Variants in SLC30A8 observed in about 807,000 individuals in gnomAD.
The protein encoded by SLC30A8 is proton-coupled zinc antiporter SLC30A8.
A neutral mutation model predicts 36.9 loss-of-function variants in SLC30A8; 27 were observed. The ratio of observed to expected loss-of-function variants is 0.73; its 90% CI spans 0.54 to 1.01. The LOEUF is 1.01. Ranked by LOEUF, SLC30A8 falls within the 50% of genes least tolerant of loss-of-function variation. The pLI, the probability that SLC30A8 is intolerant of heterozygous loss-of-function variation, is 0.00. For missense variants in SLC30A8, 439 were observed against 452.0 expected, an observed-to-expected ratio of 0.97 and a Z score of 0.26; for synonymous variants, 164 against 172.4, an observed-to-expected ratio of 0.95 and a Z score of 0.38.
chr8:117,033,113 A>G (rs1360659061), intron 1 of SLC30A8, among the ~76,000 whole-genome samples: 1 of 152,220 alleles, frequency 6.6e-6, no homozygotes, highest in Non-Finnish European at 1.5e-5. Context: ...GGTACTTGGC[A>G]TGACCATGGG....
chr8:116,964,031 T>C (rs557324205), intron 1 of SLC30A8, among the ~76,000 whole-genome samples: 1 of 152,372 alleles, frequency 6.6e-6, no homozygotes, highest in East Asian at 1.9e-4. Context: ...TATTATGTAC[T>C]CAGGCATTCA....
chr8:117,045,066 C>T (rs1014048136), intron 2 of SLC30A8, among the ~76,000 whole-genome samples: 2 of 152,218 alleles, frequency 1.3e-5, no homozygotes, highest in East Asian at 1.9e-4. Flanking sequence ...TCTGCATCCT[C>T]CTTCTTTTGG....
At chr8:117,148,562 A>G (rs1187563238) in intron 2 of SLC30A8, among the ~76,000 whole-genome samples, 1 of 152,152 alleles carries the variant, frequency 6.6e-6, no homozygotes, top group African/African-American at 2.4e-5. Flanking sequence ...ATTAAACATG[A>G]GAATTGTTCT....
At chr8:117,151,309 GT>G (rs1370939474) in intron 2 of SLC30A8, among the ~76,000 whole-genome samples, 1 of 151,860 alleles carries the variant, frequency 6.6e-6, no homozygotes, top group Admixed American at 6.6e-5. Context: ...GCTGTTATTT[GT>G]TTATCTTTGT....
chr8:116,987,485 G>T (rs556515169), intron 1 of SLC30A8, among the ~76,000 whole-genome samples: 26 of 152,050 alleles, frequency 1.7e-4, no homozygotes, highest in African/African-American at 6.3e-4. Context: ...TATTGTCTAG[G>T]CTAGGCTAGA....
intron 1 of SLC30A8, among the ~76,000 whole-genome samples, chr8:116,961,480 C>T (rs192497657): frequency 5.9e-5 from 9 of 151,734 alleles, no homozygotes; most frequent in African/African-American, 2.2e-4. Context: ...AGTATATATG[C>T]AATGTAAAAA....
chr8:116,969,962 C>G (rs1023359996), intron 1 of SLC30A8, among the ~76,000 whole-genome samples: 2 of 151,936 alleles, frequency 1.3e-5, no homozygotes, highest in Non-Finnish European at 2.9e-5. Flanking sequence ...AAAAAAATTT[C>G]TTTCTTTGAT....
chr8:117,028,218 T>C (rs370532959), intron 1 of SLC30A8, among the ~76,000 whole-genome samples: 7 of 152,206 alleles, frequency 4.6e-5, no homozygotes, highest in African/African-American at 1.4e-4. Context: ...CAATCACTTA[T>C]ACTTGCTAGG....
chr8:117,116,080 G>T (rs1820430157), intron 2 of SLC30A8, among the ~76,000 whole-genome samples: 1 of 151,978 alleles, frequency 6.6e-6, no homozygotes. Flanking sequence ...GAAGACTTTG[G>T]CAAAGACTCA....
At chr8:117,150,196 T>G (rs998132011) in intron 2 of SLC30A8, among the ~76,000 whole-genome samples, 3 of 152,232 alleles carry the variant, frequency 2.0e-5, no homozygotes, top group African/African-American at 7.2e-5. Context: ...TGGTATAGTA[T>G]AATAGTATTC....
chr8:117,057,223 T>C (rs1209530089), intron 2 of SLC30A8, among the ~76,000 whole-genome samples: 1 of 152,146 alleles, frequency 6.6e-6, no homozygotes, highest in Admixed American at 6.6e-5. Flanking sequence ...TGAGACCATT[T>C]AAAAATACTT....
chr8:117,043,577 T>G (rs1262927128), intron 2 of SLC30A8, among the ~76,000 whole-genome samples: 1 of 152,244 alleles, frequency 6.6e-6, no homozygotes, highest in East Asian at 1.9e-4. Flanking sequence ...ATAACTTGAC[T>G]ATAAAACAGG....
chr8:117,098,767 T>G (rs1431004011), intron 2 of SLC30A8, among the ~76,000 whole-genome samples: 4 of 152,210 alleles, frequency 2.6e-5, no homozygotes, highest in African/African-American at 9.6e-5. Flanking sequence ...GAGAAAAGGC[T>G]ATTCCATTTT....
chr8:117,078,955 T>C (rs1818575755), intron 2 of SLC30A8, among the ~76,000 whole-genome samples: 1 of 152,094 alleles, frequency 6.6e-6, no homozygotes, highest in African/African-American at 2.4e-5. Flanking sequence ...CCCAAAGTGT[T>C]GGGATTAAAG....
At chr8:117,110,671 C>T (rs1471433146) in intron 2 of SLC30A8, among the ~76,000 whole-genome samples, 1 of 152,140 alleles carries the variant, frequency 6.6e-6, no homozygotes, top group Non-Finnish European at 1.5e-5. Flanking sequence ...CCGTCCTCTG[C>T]AGAGCTAGAA....
intron 2 of SLC30A8, among the ~76,000 whole-genome samples, chr8:117,098,017 TTAAA>T (rs1254051795): frequency 2.3e-5 from 3 of 130,670 alleles, no homozygotes; most frequent in South Asian, 2.2e-4. Flanking sequence ...TATATTTATT[TTAAA>T]TAAATATATT....
chr8:116,998,542 G>A lies in SLC30A8; in HGVS notation c.-265-40677G>A, dbSNP rs144320803. On this transcript the variant is annotated intron_variant, in intron 1 of 10. Transcript: ENST00000427715. ...TATGCCCTGCAGTGGGTTGAAGAGC[G>A]TCCCCCAAAATTCATGGCTGCTCAG... Among the ~76,000 whole-genome samples the A allele has an allele frequency of 2.0e-3, 311 of 152,304 alleles. 1 individual carries two copies. The highest frequency in any genetic ancestry group is 6.9e-3 in the African/African-American group (287 of 41,564).
intron 2 of SLC30A8, among the ~76,000 whole-genome samples, chr8:117,044,487 A>G (rs1260100019): frequency 1.3e-5 from 2 of 152,178 alleles, no homozygotes; most frequent in Admixed American, 6.5e-5. Flanking sequence ...TTCTTGTTCA[A>G]TCAGCCAACA....
At position 117,000,949 on chromosome 8, in the gene SLC30A8, T is replaced by C. The variant is rs547339877; in HGVS notation, c.-265-38270T>C. Among the ~76,000 whole-genome samples, 10 of 152,334 alleles carry C rather than the reference T, an allele frequency of 6.6e-5. No homozygotes were observed. In the South Asian group the frequency reaches 2.1e-3, roughly 32 times the overall value. On this transcript the variant is annotated intron_variant, in intron 1 of 10. Coordinates refer to the SLC30A8 transcript ENST00000427715. ...ATGTTAATGAGCTCTTAATAAACATTAGATAATGTAGAAGTATTTGTTGGT... is the reference window on the plus strand; with the variant it reads ...ATGTTAATGAGCTCTTAATAAACATCAGATAATGTAGAAGTATTTGTTGGT...
Sources: allele counts gnomAD v4.1 joint callset (sites outside exome capture counted in the v4.1 genomes callset), GRCh38; gene constraint gnomAD v4.1.1; transcripts MANE v1.5; gene names NCBI Gene and HGNC (gene_info 2026-07-23, HGNC 2026-07-21).